The following SRPX2 variants were observed in gnomAD, a reference collection of about 807,000 sequenced individuals.
SRPX2 encodes sushi repeat containing protein X-linked 2.
In SRPX2, 26 loss-of-function variants were observed where a neutral mutation model predicts 45.3. The observed-to-expected ratio is 0.57, with a 90% CI of 0.42 to 0.80. The LOEUF (loss-of-function observed/expected upper bound fraction) is 0.80. Among genes scored for constraint, SRPX2 ranks in the 30% least tolerant of loss-of-function variants. SRPX2 has a pLI of 0.00. For synonymous variants in SRPX2, 125 were observed against 143.7 expected, an observed-to-expected ratio of 0.87 and a Z score of 0.93; for missense variants, 355 against 399.8, an observed-to-expected ratio of 0.89 and a Z score of 0.95.
chrX:100,657,418 T>G, intron 3 of SRPX2, among the ~76,000 whole-genome samples: 1 of 81,871 alleles, frequency 1.2e-5, no homozygotes, highest in South Asian at 9.9e-4. Flanking sequence ...TGGCATGATC[T>G]CGGCTCACTG....
intron 3 of SRPX2, among the ~76,000 whole-genome samples, chrX:100,652,853 C>T (rs1183762287): frequency 9.0e-6 from 1 of 111,298 alleles, no homozygotes; most frequent in Non-Finnish European, 1.9e-5. Flanking sequence ...TGCCTCTCTC[C>T]TCAGCACCCA....
At chrX:100,646,452 T>C (rs1166376558) in intron 2 of SRPX2, 48 bp downstream of exon 2, 1 of 1,089,516 alleles carries the variant, frequency 9.2e-7, no homozygotes, top group African/African-American at 1.8e-5. Flanking sequence ...GGATAGGTCC[T>C]AGACCAAGAC....
Position 100,667,331 on chromosome X carries a change from A to C in SRPX2, c.1019A>C (p.Glu340Ala), listed in dbSNP as rs747571677. 5.0e-6 allele frequency: 6 copies of C among 1,211,544 alleles called. No individual in the cohort carries two copies. The highest frequency in any genetic ancestry group is 4.3e-5 in the Admixed American group (2 of 46,034). Residue 340 changes from glutamate (E) to alanine (A), a missense_variant, in exon 9 of 11, where the codon GAG becomes GCG. Transcript: ENST00000373004. ...GCTGGTCTCTTGGATCAATTCTATG[A>C]GAAACAGCGACTCCTCATCATCTCA... is the stretch of plus-strand genomic sequence containing the variant. ...SAAGLLDQFY[E>A]KQRLLIISAP...
intron 9 of SRPX2, 135 bp downstream of exon 9, chrX:100,667,542 A>G: frequency 1.2e-6 from 1 of 824,615 alleles, no homozygotes; most frequent in Non-Finnish European, 1.8e-6. Flanking sequence ...GATCAGTTTT[A>G]CCATAGACAT....
intron 3 of SRPX2, among the ~76,000 whole-genome samples, chrX:100,659,243 A>C (rs1442999267): frequency 8.9e-6 from 1 of 112,029 alleles, no homozygotes; most frequent in Non-Finnish European, 1.9e-5. Context: ...TAGTTCCCAG[A>C]GACTTCTTCC....
In SRPX2 at chrX:100,666,969, G is replaced by C. The variant is rs771226465; in HGVS notation, c.961+36G>C. Reference sequence around the variant, plus strand: ...CCGGGGAATGGGGCAAGTGGATGTGGTGATCAGGGGAACTTTGGAGGATCT... The same window carrying C: ...CCGGGGAATGGGGCAAGTGGATGTGCTGATCAGGGGAACTTTGGAGGATCT... On this transcript the variant is annotated intron_variant, in intron 8 of 10. Transcript: ENST00000373004. 1.9e-5 allele frequency: 23 copies of C among 1,189,961 alleles called. No homozygotes were observed. In the South Asian group the frequency reaches 3.5e-4, roughly 18 times the overall value.
chrX:100,645,934 T>A (rs1309941145), intron 1 of SRPX2, among the ~76,000 whole-genome samples: 1 of 111,733 alleles, frequency 8.9e-6, no homozygotes, highest in Non-Finnish European at 1.9e-5. Flanking sequence ...TCCCTCCTGG[T>A]TCTGTGTAAC....
intron 7 of SRPX2, 44 bp downstream of exon 7, chrX:100,665,701 C>G (rs1402357858): frequency 2.0e-5 from 24 of 1,208,183 alleles, no homozygotes; most frequent in Non-Finnish European, 2.5e-5. Context: ...ATTAATCCTG[C>G]TCTACCCTGA....
chrX:100,670,730 A>G (rs2083221562), intron 10 of SRPX2, 77 bp from the exon 11 acceptor site: 2 of 1,127,319 alleles, frequency 1.8e-6, no homozygotes, highest in Non-Finnish European at 1.2e-6. Flanking sequence ...GGAGCTGCAA[A>G]AAGTCAGAGG....
At chrX:100,662,869 C>T (rs1331227372) in intron 4 of SRPX2, among the ~76,000 whole-genome samples, 1 of 112,184 alleles carries the variant, frequency 8.9e-6, no homozygotes, top group African/African-American at 3.2e-5. Context: ...TTCCAAATCA[C>T]GTCCCCCTTC....
chrX:100,646,350 G>A lies in SRPX2; in HGVS notation c.28G>A (p.Ala10Thr). 8.3e-7 allele frequency: 1 copy of A among 1,210,948 alleles called. No individual in the cohort carries two copies. The highest frequency in any genetic ancestry group is 1.1e-6 in the Non-Finnish European group (1 of 895,232). MASQLTQRGALFLLFFLTPA... is the reference protein window; with the variant it reads MASQLTQRGTLFLLFFLTPA... ...GGCCAGTCAGCTAACTCAAAGAGGA[G>A]CTCTCTTTCTGCTGTTCTTCCTAAC... The change falls in exon 2 of 11, where the codon GCT becomes ACT. Residue 10 changes from alanine to threonine, a missense_variant. Coordinates refer to ENST00000373004, the MANE Select transcript of SRPX2 (RefSeq NM_014467.3).
Position 100,646,285 on chromosome X carries a change from T to C in SRPX2, c.-38T>C, listed in dbSNP as rs897024539. 10 of 1,169,322 alleles carry C rather than the reference T, an allele frequency of 8.6e-6. No individual in the cohort carries two copies. In the East Asian group the frequency reaches 2.7e-4, roughly 31 times the overall value. ...CTTTGCCCTGGTACTTCAGGCCATA[T>C]ACATCTTTTCTTGTCTCCATAATCC... On this transcript the variant is annotated 5_prime_UTR_variant, in exon 2 of 11. Coordinates refer to ENST00000373004, the MANE Select transcript of SRPX2 (RefSeq NM_014467.3).
chrX:100,651,946 G>A (rs1278198508), intron 3 of SRPX2, among the ~76,000 whole-genome samples: 1 of 111,679 alleles, frequency 9.0e-6, no homozygotes, highest in Non-Finnish European at 1.9e-5. Context: ...TAGGCCAGGT[G>A]GTATCTAATA....
chrX:100,652,294 C>A (rs1486779768), intron 3 of SRPX2, among the ~76,000 whole-genome samples: 1 of 111,966 alleles, frequency 8.9e-6, no homozygotes, highest in Non-Finnish European at 1.9e-5. Flanking sequence ...TACCAAGAGG[C>A]TAAGAAACAA....
rs960087302 is a variant in SRPX2 at position 100,671,360 on chromosome X, C to T, written c.*373C>T. On this transcript the variant is annotated 3_prime_UTR_variant, in exon 11 of 11. Coordinates refer to ENST00000373004, the MANE Select transcript of SRPX2 (RefSeq NM_014467.3). ...ACAGCAGAGGGCAGCACGAGCACAACAGAAACCAGCTTACACTTTAAGCAA... is the reference window on the plus strand; with the variant it reads ...ACAGCAGAGGGCAGCACGAGCACAATAGAAACCAGCTTACACTTTAAGCAA... 8.5e-6 allele frequency: 2 copies of T among 234,333 alleles called. No homozygotes were observed. Among genetic ancestry groups the T allele is most frequent in the African/African-American group, 5.7e-5 (2 of 34,979 alleles). The allele number at this position is 234,333 out of a possible 1,213,427, so 19.3% of individuals were successfully genotyped here.
intron 3 of SRPX2, among the ~76,000 whole-genome samples, chrX:100,652,815 T>C (rs1476325429): frequency 3.6e-5 from 4 of 111,383 alleles, no homozygotes; most frequent in African/African-American, 1.3e-4. Context: ...ACGCACGTTC[T>C]TCTCCCTGCC....
At chrX:100,653,011 G>A (rs1051895314) in intron 3 of SRPX2, among the ~76,000 whole-genome samples, 1 of 111,450 alleles carries the variant, frequency 9.0e-6, no homozygotes, top group South Asian at 3.9e-4. Flanking sequence ...CTCTCCAGCA[G>A]CAGTGAGCAC....
intron 3 of SRPX2, among the ~76,000 whole-genome samples, chrX:100,653,897 T>C (rs1315375548): frequency 8.9e-6 from 1 of 112,669 alleles, no homozygotes; most frequent in East Asian, 2.8e-4. Context: ...TGTATTTAAC[T>C]GTTTTTAACT....
In SRPX2 at chrX:100,666,695, T is replaced by C. The variant is rs1177962346; in HGVS notation, c.782-59T>C. 5 of 1,200,817 alleles carry C rather than the reference T, an allele frequency of 4.2e-6. No homozygotes were observed. The African/African-American group carries it at 7.0e-5, about 17-fold the overall frequency. The stretch of plus-strand genomic sequence containing the variant: ...TAGAAAGCCCAGCATGGGCACCCTC[T>C]TAGCCTTTCCTTCTTATAAGAAACA... On this transcript the variant is annotated intron_variant, in intron 7 of 10. Coordinates refer to ENST00000373004, the MANE Select transcript of SRPX2 (RefSeq NM_014467.3).
Sources: allele counts gnomAD v4.1 joint callset (sites outside exome capture counted in the v4.1 genomes callset), GRCh38; gene constraint gnomAD v4.1.1; transcripts MANE v1.5; gene names NCBI Gene and HGNC (gene_info 2026-07-23, HGNC 2026-07-21).